The following PER2 variants were observed in gnomAD, a reference collection of about 807,000 sequenced individuals.
PER2 encodes period circadian regulator 2.
Under a neutral mutation model 121.0 loss-of-function variants are expected in PER2, and 66 were observed. That is an observed-to-expected ratio of 0.55 (90% CI 0.45 to 0.67). The LOEUF (loss-of-function observed/expected upper bound fraction) is 0.67. Among genes scored for constraint, PER2 ranks in the 30% least tolerant of loss-of-function variants. The probability of loss-of-function intolerance (pLI) is 0.00; values close to 1 mark genes in which losing one functional copy is unlikely to be tolerated. For synonymous variants in PER2, 684 were observed against 659.9 expected (o/e 1.04, Z -0.56); for missense variants, 1,521 against 1,635.0 (o/e 0.93, Z 1.20).
At chr2:238,260,453 A>G (rs1695893292) in intron 13 of PER2, among the ~76,000 whole-genome samples, 1 of 152,044 alleles carries the variant, frequency 6.6e-6, no homozygotes, top group Non-Finnish European at 1.5e-5. Context: ...ACGGGGTTTC[A>G]CCACCTTGCC....
At chr2:238,272,996 G>A (rs756108805) in intron 5 of PER2, 74 bp downstream of exon 5, 95 of 1,441,676 alleles carry the variant, frequency 6.6e-5, no homozygotes, top group Non-Finnish European at 8.6e-5. Context: ...GCCACCGGCC[G>A]CAGTGCTGAG....
upstream of PER2, chr2:238,289,175 C>T (rs1049684789): frequency 6.6e-6 from 1 of 152,176 alleles, no homozygotes; most frequent in Non-Finnish European, 1.5e-5. Context: ...CCCGGCGCGC[C>T]GAAGCCGGAC....
chr2:238,289,204 C>G (rs1235267276), upstream of PER2: 2 of 152,184 alleles, frequency 1.3e-5, no homozygotes, highest in Non-Finnish European at 2.9e-5. Context: ...CCTCCACCTC[C>G]GGCCACCGGC....
At position 238,253,330 on chromosome 2, in the gene PER2, G is replaced by A. The variant is rs756439895; in HGVS notation, c.2693C>T (p.Ala898Val). ...GAATGCCATGACAGGCGCCAAAGGG[G>A]CAGGGAAAGGTGGGGGCTGGACTGC... ...QFAVQPPPFP[A>V]PLAPVMAFML... Residue 898 changes from alanine to valine, a missense_variant, in exon 19 of 23, where the codon GCC (alanine) becomes GTC (valine). Coordinates refer to ENST00000254657, the MANE Select transcript of PER2 (RefSeq NM_022817.3). This position sits in a 1 kb window ranked among gnomAD's most constrained non-coding sequence, Gnocchi z 5.6. 3 of 1,613,820 alleles carry A rather than the reference G, an allele frequency of 1.9e-6. No individual in the cohort carries two copies. The highest frequency in any genetic ancestry group is 1.1e-5 in the South Asian group (1 of 91,024).
At chr2:238,288,768 G>A (rs1434174839), upstream of PER2, among the ~76,000 whole-genome samples, 2 of 151,402 alleles carry the variant, frequency 1.3e-5, no homozygotes, top group Admixed American at 1.3e-4. Flanking sequence ...CGCCGCCTCC[G>A]CCGCGGCCGA....
At chr2:238,281,160 C>T (rs377739238) in intron 1 of PER2, among the ~76,000 whole-genome samples, 52 of 152,192 alleles carry the variant, frequency 3.4e-4, no homozygotes, top group Middle Eastern at 3.4e-3. Flanking sequence ...TCCGCCACCA[C>T]GCCCAGCTAA....
rs1227099678 is a variant in PER2 at position 238,248,130 on chromosome 2, G to A, written c.3618+932C>T. Reference sequence around the variant, plus strand: ...AGCCCGAGGGTGGGCAGAAGAGGAAGAGCCTGTGGGGAGGCCAAGAGGTCA... The same window carrying A: ...AGCCCGAGGGTGGGCAGAAGAGGAAAAGCCTGTGGGGAGGCCAAGAGGTCA... On this transcript the variant is annotated intron_variant, in intron 22 of 22. Transcript: ENST00000254657. Among the ~76,000 whole-genome samples, 5 of 152,382 alleles carry A rather than the reference G, an allele frequency of 3.3e-5. 1 individual carries two copies. In the South Asian group the frequency reaches 1.0e-3, roughly 32 times the overall value.
rs1264762437 is a variant in PER2 at position 238,251,728 on chromosome 2, C to A, written c.3145G>T (p.Ala1049Ser). 2.5e-6 allele frequency: 4 copies of A among 1,612,386 alleles called. No homozygotes were observed. The East Asian group carries it at 8.9e-5, about 36-fold the overall frequency. ...DEPSDTQNSD[A>S]LSTSSGLLNL... ...AGGAGGCCGCTTGACGTGGAAAGGG[C>A]GTCACTGTTCTGTGTGTCTGAGGGT... The change falls in exon 20 of 23, where the codon GCC becomes TCC. Residue 1049 changes from alanine to serine, a missense_variant. Transcript: ENST00000254657.
At chr2:238,284,839 C>T (rs1458152701) in intron 1 of PER2, among the ~76,000 whole-genome samples, 2 of 152,218 alleles carry the variant, frequency 1.3e-5, no homozygotes, top group Non-Finnish European at 2.9e-5. Flanking sequence ...CCAGAAAATG[C>T]GTCTCTCAGC....
intron 4 of PER2, among the ~76,000 whole-genome samples, chr2:238,275,400 A>AAGGCC (rs1490030758): frequency 6.6e-6 from 1 of 152,192 alleles, no homozygotes; most frequent in African/African-American, 2.4e-5. Context: ...CTAAAGAAAA[A>AAGGCC]AGGCCAGGCC....
chr2:238,266,204 C>T (rs957173527), intron 8 of PER2, among the ~76,000 whole-genome samples: 2 of 152,052 alleles, frequency 1.3e-5, no homozygotes, highest in Non-Finnish European at 2.9e-5. Context: ...CGCCCGGCCC[C>T]ATCTTTATGA....
the PER2 span, among the ~76,000 whole-genome samples, chr2:238,298,068 T>A: frequency 6.7e-6 from 1 of 149,310 alleles, no homozygotes; most frequent in Non-Finnish European, 1.5e-5. Context: ...AGTCTCGCTC[T>A]GTCCCCCAGG....
At chr2:238,294,281 GC>G (rs765508281), upstream of PER2, among the ~76,000 whole-genome samples, 12 of 152,176 alleles carry the variant, frequency 7.9e-5, no homozygotes, top group Non-Finnish European at 1.6e-4. Flanking sequence ...GTGTGGTTCT[GC>G]CAGCATTCCT....
Position 238,283,571 on chromosome 2 carries a change from G to A in PER2, c.-20+4778C>T, listed in dbSNP as rs1380307481. Among the ~76,000 whole-genome samples, 7 of 152,254 alleles carry A rather than the reference G, an allele frequency of 4.6e-5. 1 individual carries two copies. Among genetic ancestry groups the A allele is most frequent in the Non-Finnish European group, 1.0e-4 (7 of 68,042 alleles). ...GAGGAAGGTGCACGAGGCTGGAGCA[G>A]AGCGGGCAGCGGTAGGAGGGCGGCA... On this transcript the variant is annotated intron_variant, in intron 1 of 22. Coordinates refer to ENST00000254657, the MANE Select transcript of PER2 (RefSeq NM_022817.3).
At chr2:238,261,939 G>A in intron 11 of PER2, 102 bp from the exon 12 acceptor site, 1 of 838,938 alleles carries the variant, frequency 1.2e-6, no homozygotes, top group Non-Finnish European at 1.9e-6. Context: ...TGGGCCCTCT[G>A]CCTCTCCCCT....
rs1695404063 is a variant in PER2, at chr2:238,244,918, T to A, written c.*1457A>T. On this transcript the variant is annotated 3_prime_UTR_variant, in exon 23 of 23. Transcript: ENST00000254657. ...AAAAATTAGCTGGGTGTGGTGGCAG[T>A]CGCCTGTGGTCCCAGCTACTCAGGA... 6.6e-6 allele frequency: 1 copy of A among 151,502 alleles called. No individual in the cohort carries two copies. Among genetic ancestry groups the A allele is most frequent in the African/African-American group, 2.4e-5 (1 of 41,250 alleles). 9.4% of individuals were successfully genotyped at this position (151,502 alleles called of 1,614,324 possible).
At chr2:238,278,094 C>T in intron 1 of PER2, 139 bp from the exon 2 acceptor site, 1 of 572,860 alleles carries the variant, frequency 1.7e-6, no homozygotes, top group South Asian at 2.6e-5. Flanking sequence ...CTGTCTCTCT[C>T]TCTCTCTCTT....
chr2:238,251,739 T>C lies in PER2; in HGVS notation c.3134A>G (p.Gln1045Arg), dbSNP rs1695607672. The C allele has an allele frequency of 6.2e-7, 1 of 1,613,342 alleles. No individual in the cohort carries two copies. The highest frequency in any genetic ancestry group is 8.5e-7 in the Non-Finnish European group (1 of 1,179,866). ...PLTRDEPSDT[Q>R]NSDALSTSSG... ...TGACGTGGAAAGGGCGTCACTGTTC[T>C]GTGTGTCTGAGGGTTCATCACGCTT... Residue 1045 changes from glutamine to arginine, a missense_variant, in exon 20 of 23, where the codon CAG becomes CGG. Transcript: ENST00000254657.
intron 11 of PER2, among the ~76,000 whole-genome samples, 155 bp from the exon 12 acceptor site, chr2:238,261,992 G>C (rs1024907268): frequency 2.0e-5 from 3 of 152,070 alleles, no homozygotes. Context: ...TACTCTGCTT[G>C]AATGAGGTCC....
Sources: allele counts gnomAD v4.1 joint callset (sites outside exome capture counted in the v4.1 genomes callset), GRCh38; gene constraint gnomAD v4.1.1; non-coding constraint Gnocchi (gnomAD v3.1); transcripts MANE v1.5; gene names NCBI Gene and HGNC (gene_info 2026-07-23, HGNC 2026-07-21).